The following VANGL1 variants were observed in gnomAD, a reference collection of about 807,000 sequenced individuals.
VANGL1 encodes the protein vang-like protein 1.
In VANGL1, 18 loss-of-function variants were observed where a neutral mutation model predicts 48.4. The observed-to-expected ratio is 0.37, with a 90% CI of 0.26 to 0.55. VANGL1 has a LOEUF of 0.55. Among genes scored for constraint, VANGL1 ranks in the 20% least tolerant of loss-of-function variants. The pLI, the probability that VANGL1 is intolerant of heterozygous loss-of-function variation, is 0.81. For missense variants in VANGL1, 667 were observed against 675.8 expected, an observed-to-expected ratio of 0.99 and a Z score of 0.14; for synonymous variants, 257 against 261.8, an observed-to-expected ratio of 0.98 and a Z score of 0.18.
At chr1:115,680,249 G>A (rs1171540684) in intron 4 of VANGL1, among the ~76,000 whole-genome samples, 5 of 152,026 alleles carry the variant, frequency 3.3e-5, no homozygotes, top group African/African-American at 7.2e-5. Flanking sequence ...ACGGAAGTCC[G>A]CCTCCTCAGG....
chr1:115,688,274 C>A (rs1203646234), intron 7 of VANGL1, among the ~76,000 whole-genome samples: 1 of 138,170 alleles, frequency 7.2e-6, no homozygotes, highest in Non-Finnish European at 1.6e-5. Context: ...CTTATTCTAC[C>A]AAATACCATG....
chr1:115,667,979 C>T (rs1345570821), intron 4 of VANGL1, among the ~76,000 whole-genome samples: 1 of 152,234 alleles, frequency 6.6e-6, no homozygotes, highest in African/African-American at 2.4e-5. Flanking sequence ...TAAACAATTA[C>T]ATAGTCTTAC....
In VANGL1 at chr1:115,691,268, C is replaced by G. The variant is rs1309231376; in HGVS notation, c.1464C>G (p.Phe488Leu). Residue 488 changes from phenylalanine to leucine, a missense_variant, in exon 8 of 8, where the codon TTC (phenylalanine) becomes TTG (leucine). By Grantham distance (22) the Phe-to-Leu change is conservative. Coordinates refer to ENST00000355485, the MANE Select transcript of VANGL1 (RefSeq NM_138959.3). Reference sequence around the variant, plus strand: ...TGTTCGTCCTTAAGTGCTTGGACTTCAGCCTCGTAGTCAATGTGAAGAAAA... The same window carrying G: ...TGTTCGTCCTTAAGTGCTTGGACTTGAGCCTCGTAGTCAATGTGAAGAAAA... Reference protein sequence around the residue: ...GIVFVLKCLDFSLVVNVKKIP... With the variant: ...GIVFVLKCLDLSLVVNVKKIP... 1 of 1,614,036 alleles carries G rather than the reference C, an allele frequency of 6.2e-7. No homozygotes were observed. Among genetic ancestry groups the G allele is most frequent in the African/African-American group, 1.3e-5 (1 of 74,918 alleles).
At chr1:115,649,327 T>C (rs541657446) in intron 1 of VANGL1, among the ~76,000 whole-genome samples, 1 of 152,248 alleles carries the variant, frequency 6.6e-6, no homozygotes, top group South Asian at 2.1e-4. Flanking sequence ...GCTGCCTTGC[T>C]TCCTTTTTAT....
intron 4 of VANGL1, among the ~76,000 whole-genome samples, chr1:115,671,692 G>C (rs1472798153): frequency 6.6e-6 from 1 of 152,238 alleles, no homozygotes; most frequent in Admixed American, 6.5e-5. Context: ...GCGCAGTGCA[G>C]GTTGGACTGT....
chr1:115,663,618 A>G (rs1652650689), intron 3 of VANGL1, 43 bp from the exon 4 acceptor site: 1 of 1,613,660 alleles, frequency 6.2e-7, no homozygotes, highest in Admixed American at 1.7e-5. Flanking sequence ...AGCTTTTACA[A>G]ATGACCTGTG....
chr1:115,659,643 A>G lies in VANGL1; in HGVS notation c.74A>G (p.Glu25Gly), dbSNP rs1188373916. ...SHSKKSHRQG[E>G]RTRERHKSPR... ...GCTAGCTCATTGTTGTTTTTCAGGGAAAGAACTAGAGAGAGACACAAGTCA... is the reference window on the plus strand; with the variant it reads ...GCTAGCTCATTGTTGTTTTTCAGGGGAAGAACTAGAGAGAGACACAAGTCA... The change falls in exon 3 of 8, where the codon GAA (glutamate) becomes GGA (glycine). Residue 25 changes from glutamate (E) to glycine (G), a missense_variant and splice_region_variant. Coordinates refer to ENST00000355485, the MANE Select transcript of VANGL1 (RefSeq NM_138959.3). The G allele has an allele frequency of 6.2e-7, 1 of 1,613,958 alleles. No individual in the cohort carries two copies. Among genetic ancestry groups the G allele is most frequent in the Non-Finnish European group, 8.5e-7 (1 of 1,180,028 alleles).
In VANGL1 at chr1:115,691,378, AAAAGTTCTATATTTG is replaced by A; in HGVS notation, c.1575_*14del. On this transcript the variant is annotated stop_lost and 3_prime_UTR_variant, in exon 8 of 8. Transcript: ENST00000355485. ...CGCTTACAGTCTGAGACATCCGTTT[AAAAGTTCTATATTTG>A]TGGCTTTATTAAAAAAAAAAGAAAA... 1 of 1,613,792 alleles carries A rather than the reference AAAAGTTCTATATTTG, an allele frequency of 6.2e-7. No individual in the cohort carries two copies. Among genetic ancestry groups the A allele is most frequent in the Non-Finnish European group, 8.5e-7 (1 of 1,179,964 alleles).
chr1:115,685,206 G>C, intron 6 of VANGL1, 87 bp from the exon 7 acceptor site: 1 of 1,458,528 alleles, frequency 6.9e-7, no homozygotes, highest in Non-Finnish European at 9.5e-7. Context: ...GGCAGGTTGG[G>C]CCGCAGCAGG....
At chr1:115,682,603 A>G in intron 5 of VANGL1, 106 bp downstream of exon 5, 2 of 1,534,040 alleles carry the variant, frequency 1.3e-6, no homozygotes, top group Non-Finnish European at 1.8e-6. Context: ...GCCTACCTTT[A>G]TGGTACATTC....
chr1:115,658,065 A>C (rs1283050096), intron 2 of VANGL1, among the ~76,000 whole-genome samples: 1 of 152,198 alleles, frequency 6.6e-6, no homozygotes, highest in Non-Finnish European at 1.5e-5. Context: ...ACAATTGAGC[A>C]TGAGATTTGG....
At chr1:115,652,945 G>A (rs1312118223) in intron 2 of VANGL1, among the ~76,000 whole-genome samples, 4 of 152,100 alleles carry the variant, frequency 2.6e-5, no homozygotes, top group African/African-American at 9.7e-5. Flanking sequence ...GTAATTTTTA[G>A]AAATGAATGG....
rs139953261 is a variant in VANGL1 at position 115,697,695 on chromosome 1, C to G, written c.*6316C>G. 6.6e-6 allele frequency: 1 copy of G among 152,342 alleles called. No homozygotes were observed. The highest frequency in any genetic ancestry group is 1.9e-4 in the East Asian group (1 of 5,188). 9.4% of individuals were successfully genotyped at this position (152,342 alleles called of 1,614,324 possible). ...TTTGGTTAGAAGGACTTTACATTTC[C>G]TGATTTCAAGTCCAGCACCAATTTA... On this transcript the variant is annotated 3_prime_UTR_variant, in exon 8 of 8. Coordinates refer to ENST00000355485, the MANE Select transcript of VANGL1 (RefSeq NM_138959.3).
At position 115,691,161 on chromosome 1, in the gene VANGL1, T is replaced by G; in HGVS notation, c.1357T>G (p.Tyr453Asp). ...CCTCAGTGCGGGCCCCACCCTGCAA[T>G]ATGACAAGGACCGCTGGCTCTCTAC... ...RYLSAGPTLQ[Y>D]DKDRWLSTQW... Residue 453 changes from tyrosine (Y) to aspartate (D), a missense_variant, in exon 8 of 8, where the codon TAT becomes GAT. Physicochemically the swap from Tyr to Asp is radical, Grantham distance 160 (BLOSUM62 -3). Transcript: ENST00000355485. 2 of 1,614,082 alleles carry G rather than the reference T, an allele frequency of 1.2e-6. No homozygotes were observed. Among genetic ancestry groups the G allele is most frequent in the Middle Eastern group, 1.6e-4 (1 of 6,062 alleles).
chr1:115,651,338 G>A lies in VANGL1; in HGVS notation c.-76G>A. On this transcript the variant is annotated 5_prime_UTR_variant, in exon 2 of 8. Coordinates refer to ENST00000355485, the MANE Select transcript of VANGL1 (RefSeq NM_138959.3). ...TTCCAGACTCCTTGAGGTTTTAGGA[G>A]TCTGGTAGGTGAAATTTTCTACCTC... The A allele has an allele frequency of 7.5e-7, 1 of 1,334,210 alleles. No homozygotes were observed. Among genetic ancestry groups the A allele is most frequent in the Middle Eastern group, 1.8e-4 (1 of 5,574 alleles). 82.6% of individuals were successfully genotyped at this position (1,334,210 alleles called of 1,614,324 possible).
intron 7 of VANGL1, among the ~76,000 whole-genome samples, chr1:115,690,782 G>C (rs1328105002): frequency 6.6e-6 from 1 of 152,212 alleles, no homozygotes; most frequent in Non-Finnish European, 1.5e-5. Context: ...CATCAAGTAG[G>C]ACCATACCCT....
intron 2 of VANGL1, among the ~76,000 whole-genome samples, chr1:115,659,238 T>A (rs568810998): frequency 6.6e-6 from 1 of 152,276 alleles, no homozygotes; most frequent in Non-Finnish European, 1.5e-5. Context: ...AAGCTTATTC[T>A]ACAGTGTTGT....
At chr1:115,657,475 T>C (rs997542384) in intron 2 of VANGL1, among the ~76,000 whole-genome samples, 3 of 152,148 alleles carry the variant, frequency 2.0e-5, no homozygotes, top group African/African-American at 7.2e-5. Context: ...GATACTGCCT[T>C]CATAGGATTA....
intron 4 of VANGL1, among the ~76,000 whole-genome samples, chr1:115,677,674 A>T (rs148821263): frequency 2.5e-4 from 38 of 152,314 alleles, no homozygotes; most frequent in African/African-American, 9.1e-4. Flanking sequence ...GTATGTTGGC[A>T]TGTGGCACCA....
Sources: allele counts gnomAD v4.1 joint callset (sites outside exome capture counted in the v4.1 genomes callset), GRCh38; gene constraint gnomAD v4.1.1; transcripts MANE v1.5; gene names NCBI Gene and HGNC (gene_info 2026-07-23, HGNC 2026-07-21).